The following ZFHX3 variants were observed in gnomAD, a reference collection of about 807,000 sequenced individuals.
The protein encoded by ZFHX3 is zinc finger homeobox 3.
Under a neutral mutation model 279.1 loss-of-function variants are expected in ZFHX3, and 42 were observed. The observed-to-expected ratio is 0.15, with a 90% CI of 0.12 to 0.19. ZFHX3 has a LOEUF of 0.19. Ranked by LOEUF, ZFHX3 falls within the 10% of genes least tolerant of loss-of-function variation. The pLI is 1.00. For synonymous variants in ZFHX3, 2,293 were observed against 1,957.8 expected, an observed-to-expected ratio of 1.17 and a Z score of -4.52; for missense variants, 4,981 against 4,754.0, an observed-to-expected ratio of 1.05 and a Z score of -1.40.
intron 1 of ZFHX3, among the ~76,000 whole-genome samples, chr16:73,775,284 G>C (rs996365225): frequency 1.3e-5 from 2 of 152,136 alleles, no homozygotes; most frequent in African/African-American, 4.8e-5. Context: ...TATTAAAAAT[G>C]GCTCTTAGAT....
At chr16:73,727,809 C>T (rs78891554) in intron 1 of ZFHX3, among the ~76,000 whole-genome samples, 2,002 of 152,244 alleles carry the variant, frequency 0.013, 37 homozygotes, top group African/African-American at 0.045. Context: ...CAACTCTCTG[C>T]CTGGGGTTCC....
intron 2 of ZFHX3, among the ~76,000 whole-genome samples, chr16:73,469,704 GCTGCCCAGGTTCAAGTGATTCTC>G (rs1454240278): frequency 5.9e-5 from 9 of 152,122 alleles, no homozygotes; most frequent in Admixed American, 4.6e-4. Context: ...TGCAACCTCT[GCTGCCCAGGTTCAAGTGATTCTC>G]CTGCCTCAGT....
intron 2 of ZFHX3, among the ~76,000 whole-genome samples, chr16:73,647,013 C>CTTTT (rs4003260): frequency 2.3e-4 from 34 of 146,172 alleles, no homozygotes; most frequent in African/African-American, 6.3e-4. Context: ...TTGTGCCAAC[C>CTTTT]TTTTTTTTTT....
At chr16:73,135,898 C>T (rs1966780693) in intron 6 of ZFHX3, among the ~76,000 whole-genome samples, 1 of 151,416 alleles carries the variant, frequency 6.6e-6, no homozygotes, top group Non-Finnish European at 1.5e-5. Flanking sequence ...CGCTTTGTCG[C>T]CCAGGCTGGA....
At chr16:73,414,858 AG>A (rs1239103338) in intron 3 of ZFHX3, among the ~76,000 whole-genome samples, 1 of 152,212 alleles carries the variant, frequency 6.6e-6, no homozygotes, top group African/African-American at 2.4e-5. Flanking sequence ...ACAAAACAAG[AG>A]GCTGGATCCC....
At chr16:72,904,782 G>A (rs1329642456) in intron 3 of ZFHX3, among the ~76,000 whole-genome samples, 2 of 151,942 alleles carry the variant, frequency 1.3e-5, no homozygotes, top group Admixed American at 6.6e-5. Context: ...CTGTGGGGGG[G>A]GTCCCACAGC....
intron 3 of ZFHX3, among the ~76,000 whole-genome samples, chr16:72,945,475 C>A (rs6499600): frequency 6.6e-6 from 1 of 151,942 alleles, no homozygotes; most frequent in South Asian, 2.1e-4. Flanking sequence ...CATCAAGCCA[C>A]GGAAATGAAC....
rs1445983531 is a variant in ZFHX3, at chr16:73,404,249, A to G, written c.-1291+51754T>C. ...CAAGGCTGGACTGTAGCCTCTGGAC[A>G]GAGGATCCCCTTAAGGCACAGAAGA... On this transcript the variant is annotated intron_variant, in intron 3 of 17. Coordinates refer to the ZFHX3 transcript ENST00000641206. Among the ~76,000 whole-genome samples the G allele has an allele frequency of 4.6e-5, 7 of 152,258 alleles. No individual in the cohort carries two copies. The South Asian group carries it at 1.2e-3, about 27-fold the overall frequency.
At chr16:73,746,132 A>C (rs1469446644) in intron 1 of ZFHX3, among the ~76,000 whole-genome samples, 1 of 152,142 alleles carries the variant, frequency 6.6e-6, no homozygotes, top group Non-Finnish European at 1.5e-5. Flanking sequence ...GAAGAGAGAC[A>C]GGGAGAGCCC....
At chr16:73,732,596 T>A (rs1455337907) in intron 1 of ZFHX3, among the ~76,000 whole-genome samples, 1 of 152,260 alleles carries the variant, frequency 6.6e-6, no homozygotes, top group South Asian at 2.1e-4. Context: ...ACCTGTACTT[T>A]GTGCTTCTAG....
At chr16:72,849,151 A>G (rs2037550796) in intron 4 of ZFHX3, among the ~76,000 whole-genome samples, 1 of 152,218 alleles carries the variant, frequency 6.6e-6, no homozygotes. Flanking sequence ...AGCACAGGGC[A>G]GTGCGTGTGA....
At chr16:73,585,341 T>A (rs2004983) in intron 2 of ZFHX3, among the ~76,000 whole-genome samples, 13 of 152,190 alleles carry the variant, frequency 8.5e-5, no homozygotes, top group Admixed American at 2.6e-4. Flanking sequence ...ACTTGAACCC[T>A]GGAGGCGGAG....
At chr16:73,166,551 T>C (rs1417264396) in intron 5 of ZFHX3, among the ~76,000 whole-genome samples, 3 of 151,784 alleles carry the variant, frequency 2.0e-5, no homozygotes, top group South Asian at 2.1e-4. Context: ...AAGGGCCGGA[T>C]TGGGCAAGAG....
intron 3 of ZFHX3, among the ~76,000 whole-genome samples, chr16:72,918,212 A>G (rs1317937671): frequency 1.3e-5 from 2 of 152,222 alleles, no homozygotes; most frequent in Admixed American, 6.5e-5. Context: ...CAACAAGCAA[A>G]TAAGTCAAAA....
At chr16:73,380,177 G>C (rs1264873169) in intron 3 of ZFHX3, among the ~76,000 whole-genome samples, 1 of 152,086 alleles carries the variant, frequency 6.6e-6, no homozygotes, top group Non-Finnish European at 1.5e-5. Context: ...AGCTGATAAA[G>C]GACATATAAT....
At chr16:72,951,078 G>T (rs1960974858) in intron 2 of ZFHX3, 113 bp from the exon 3 acceptor site, 7 of 1,442,890 alleles carry the variant, frequency 4.9e-6, no homozygotes, top group Non-Finnish European at 6.5e-6. Flanking sequence ...AGGAGAAGAT[G>T]ACATTTCAAG....
intron 3 of ZFHX3, among the ~76,000 whole-genome samples, chr16:73,341,284 T>G (rs2016028534): frequency 6.6e-6 from 1 of 152,128 alleles, no homozygotes; most frequent in Non-Finnish European, 1.5e-5. Context: ...GAGGTTGCAG[T>G]GAGCTGAGGT....
intron 2 of ZFHX3, among the ~76,000 whole-genome samples, chr16:73,462,119 A>G (rs1418467374): frequency 6.6e-6 from 1 of 152,070 alleles, no homozygotes; most frequent in Non-Finnish European, 1.5e-5. Context: ...TTTTTTAGCT[A>G]TGGTACATGA....
chr16:73,404,895 A>C (rs2017328561), intron 3 of ZFHX3, among the ~76,000 whole-genome samples: 1 of 152,206 alleles, frequency 6.6e-6, no homozygotes, highest in South Asian at 2.1e-4. Context: ...TTTGGTCCTC[A>C]GAGCCACAAA....
Sources: allele counts gnomAD v4.1 joint callset (sites outside exome capture counted in the v4.1 genomes callset), GRCh38; gene constraint gnomAD v4.1.1; transcripts MANE v1.5; gene names NCBI Gene and HGNC (gene_info 2026-07-23, HGNC 2026-07-21).